STKLD1: variants seen among roughly 807,000 people sequenced by gnomAD.
The protein encoded by STKLD1 is serine/threonine kinase-like domain-containing protein STKLD1.
STKLD1 carries 79 observed loss-of-function variants against 80.4 expected under a neutral mutation model. That is an observed-to-expected ratio of 0.98 (90% CI 0.82 to 1.19). The LOEUF (loss-of-function observed/expected upper bound fraction) is 1.19, where lower values mean the gene tolerates loss of function less well. Among genes scored for constraint, STKLD1 ranks in the 50% most tolerant of loss-of-function variants. The probability of loss-of-function intolerance (pLI) is 0.00; values close to 1 mark genes in which losing one functional copy is unlikely to be tolerated. For synonymous variants in STKLD1, 393 were observed against 357.6 expected (o/e 1.10, Z -1.12); for missense variants, 841 against 856.0 (o/e 0.98, Z 0.22).
rs781954438 is a variant in STKLD1 at position 133,406,068 on chromosome 9, G to A, written c.*647G>A. The A allele has an allele frequency of 3.3e-5, 5 of 152,212 alleles. No individual in the cohort carries two copies. Among genetic ancestry groups the A allele is most frequent in the African/African-American group, 4.8e-5 (2 of 41,424 alleles). The allele number at this position is 152,212 out of a possible 1,614,324, so 9.4% of individuals were successfully genotyped here. A position where few individuals can be genotyped will look rare whatever the true frequency, so the allele number is the denominator to read the frequency against. ...TGAGCCTCCACAGGCTCCATTCCAAGTAAACATCTGCATTTATTTTAAATC... is the reference window on the plus strand; with the variant it reads ...TGAGCCTCCACAGGCTCCATTCCAAATAAACATCTGCATTTATTTTAAATC... On this transcript the variant is annotated 3_prime_UTR_variant, in exon 18 of 18. Coordinates refer to ENST00000371957, the MANE Select transcript of STKLD1 (RefSeq NM_153710.5).
Position 133,402,943 on chromosome 9 carries a change from A to G in STKLD1, c.1405A>G (p.Asn469Asp), listed in dbSNP as rs975150457. Reference sequence around the variant, plus strand: ...GCTGGAGCACATCCTGGAGCACCTCAACAGCTCCCTCGAAAGCAGGGACGT... The same window carrying G: ...GCTGGAGCACATCCTGGAGCACCTCGACAGCTCCCTCGAAAGCAGGGACGT... Reference protein sequence around the residue: ...GLLEHILEHLNSSLESRDVCA... With the variant: ...GLLEHILEHLDSSLESRDVCA... The change falls in exon 14 of 18, where the codon AAC becomes GAC. Residue 469 changes from asparagine (N) to aspartate (D), a missense_variant. Asn to Asp is a conservative substitution (Grantham distance 23). Coordinates refer to ENST00000371957, the MANE Select transcript of STKLD1 (RefSeq NM_153710.5). The G allele has an allele frequency of 1.3e-6, 2 of 1,584,802 alleles. No homozygotes were observed. The highest frequency in any genetic ancestry group is 1.7e-6 in the Non-Finnish European group (2 of 1,165,710).
At chr9:133,379,631 C>T (rs2130261444) in intron 2 of STKLD1, among the ~76,000 whole-genome samples, 41 of 152,336 alleles carry the variant, frequency 2.7e-4, no homozygotes, top group African/African-American at 9.4e-4. Context: ...AGGTCACACA[C>T]CAGGCCCTGA....
At chr9:133,392,322 C>A (rs1838419106) in intron 7 of STKLD1, among the ~76,000 whole-genome samples, 1 of 152,014 alleles carries the variant, frequency 6.6e-6, no homozygotes. Context: ...CCACCTTGGC[C>A]TCCCAAAGTG....
chr9:133,403,250 C>A (rs1838756182), intron 14 of STKLD1, among the ~76,000 whole-genome samples: 1 of 152,260 alleles, frequency 6.6e-6, no homozygotes, highest in Admixed American at 6.5e-5. Flanking sequence ...GGACTTCTTG[C>A]CCAGTGGGCA....
chr9:133,398,907 C>G (rs1182471223), intron 11 of STKLD1, among the ~76,000 whole-genome samples: 1 of 152,136 alleles, frequency 6.6e-6, no homozygotes, highest in Non-Finnish European at 1.5e-5. Flanking sequence ...GGCTGGAGTG[C>G]AGTGGTGCGA....
At chr9:133,382,896 ATGT>A (rs1204033272) in intron 2 of STKLD1, among the ~76,000 whole-genome samples, 1 of 126,074 alleles carries the variant, frequency 7.9e-6, no homozygotes, top group Non-Finnish European at 1.6e-5. Context: ...GATGGTGATG[ATGT>A]TGGTGATGGT....
rs1366502562 is a variant in STKLD1, at chr9:133,404,930, G to A, written c.1873+1G>A. On this transcript the variant is annotated splice_donor_variant, in intron 17 of 17. Transcript: ENST00000371957. LOFTEE classifies it high-confidence loss of function. ...CTGCTGGTCCACCTGGCTTCCTATGGTGAGAACCCCTTCTCACCTCACACT... is the reference window on the plus strand; with the variant it reads ...CTGCTGGTCCACCTGGCTTCCTATGATGAGAACCCCTTCTCACCTCACACT... 6.2e-7 allele frequency: 1 copy of A among 1,612,934 alleles called. No individual in the cohort carries two copies. Among genetic ancestry groups the A allele is most frequent in the Non-Finnish European group, 8.5e-7 (1 of 1,179,726 alleles).
chr9:133,395,682 AG>A lies in STKLD1; in HGVS notation c.786del (p.Lys262AsnfsTer15). ...LKAVLKTMEE[K>X]QIPDVETFRN... ...GCCGTCCTGAAGACAATGGAGGAGA[AG>A]CAGATCCCGGATGTGGAAACCTTCA... On this transcript the variant is annotated frameshift_variant, in exon 9 of 18. Coordinates refer to ENST00000371957, the MANE Select transcript of STKLD1 (RefSeq NM_153710.5). LOFTEE classifies it high-confidence loss of function. The A allele has an allele frequency of 6.2e-7, 1 of 1,613,490 alleles. No homozygotes were observed. The highest frequency in any genetic ancestry group is 8.5e-7 in the Non-Finnish European group (1 of 1,180,034).
Position 133,387,759 on chromosome 9 carries a change from C to G in STKLD1, c.396+211C>G, listed in dbSNP as rs2130280734. On this transcript the variant is annotated intron_variant, in intron 5 of 17. Transcript: ENST00000371957. ...GCACTCACACAACTTCCACCCAGAT[C>G]AAGACAGAAGGCGTTCCTAACACTA... The G allele has an allele frequency of 3.0e-5, 20 of 668,864 alleles. 1 individual carries two copies. Among genetic ancestry groups the G allele is most frequent in the South Asian group, 2.7e-4 (18 of 66,506 alleles). The allele number at this position is 668,864 out of a possible 1,614,324, so 41.4% of individuals were successfully genotyped here.
At chr9:133,392,555 GTGGATGGA>G (rs1383114488) in intron 7 of STKLD1, among the ~76,000 whole-genome samples, 1 of 136,978 alleles carries the variant, frequency 7.3e-6, no homozygotes. Flanking sequence ...GGATGGATGA[GTGGATGGA>G]TGAATGGATG....
At chr9:133,395,352 G>T (rs1434422303) in intron 8 of STKLD1, among the ~76,000 whole-genome samples, 7 of 152,290 alleles carry the variant, frequency 4.6e-5, no homozygotes, top group South Asian at 4.1e-4. Flanking sequence ...GCTGGGTCTA[G>T]ATCAGGGGGC....
rs2130287829 is a variant in STKLD1, at chr9:133,390,907, G to A, written c.583+111G>A. 715 of 811,456 alleles carry A rather than the reference G, an allele frequency of 8.8e-4. 6 individuals carry two copies. In the African/African-American group the frequency reaches 0.01, roughly 12 times the overall value. The allele number at this position is 811,456 out of a possible 1,614,324, so 50.3% of individuals were successfully genotyped here. On this transcript the variant is annotated intron_variant, in intron 7 of 17. Transcript: ENST00000371957. The surrounding 1 kb of genome is among the most constrained non-coding windows in gnomAD (Gnocchi z 5.1). ...GCAACATCAAACAGCTGTTTGCTCA[G>A]AAGGTCCCCACAAAGCCCTGGCCTT...
intron 11 of STKLD1, 42 bp from the exon 12 acceptor site, chr9:133,400,371 C>A (rs1345648929): frequency 6.6e-7 from 1 of 1,517,300 alleles, no homozygotes; most frequent in African/African-American, 1.4e-5. Flanking sequence ...TGCCCCCGAT[C>A]TGGCCCAAAA....
chr9:133,395,894 T>C (rs1265323443), intron 9 of STKLD1, 131 bp downstream of exon 9: 3 of 944,522 alleles, frequency 3.2e-6, no homozygotes, highest in East Asian at 2.6e-5. Context: ...TGATTATCCC[T>C]GCACAGCTGG....
At position 133,405,533 on chromosome 9, in the gene STKLD1, G is replaced by GA; in HGVS notation, c.*112_*113insA. ...GGGCCAAAATCAATCTTAAACGGGA[G>GA]GGGTAATCAGACCTCTCCAAAGAGT... is the stretch of plus-strand genomic sequence containing the variant. On this transcript the variant is annotated 3_prime_UTR_variant, in exon 18 of 18. Transcript: ENST00000371957. The GA allele has an allele frequency of 9.0e-7, 1 of 1,116,068 alleles. No homozygotes were observed. Among genetic ancestry groups the GA allele is most frequent in the Non-Finnish European group, 1.2e-6 (1 of 809,546 alleles). The allele number at this position is 1,116,068 out of a possible 1,614,324, so 69.1% of individuals were successfully genotyped here.
intron 16 of STKLD1, 58 bp from the exon 17 acceptor site, chr9:133,404,731 A>G: frequency 6.3e-7 from 1 of 1,591,744 alleles, no homozygotes; most frequent in Non-Finnish European, 8.5e-7. Context: ...TCCTGGGCAG[A>G]AGGCTCTTCC....
At position 133,390,267 on chromosome 9, in the gene STKLD1, G is replaced by A. The variant is rs1195818720; in HGVS notation, c.468-414G>A. Among the ~76,000 whole-genome samples, 6 of 144,110 alleles carry A rather than the reference G, an allele frequency of 4.2e-5. No individual in the cohort carries two copies. The highest frequency in any genetic ancestry group is 2.0e-4 in the East Asian group (1 of 4,918). The allele number at this position is 144,110 out of a possible 152,430, so 94.5% of individuals were successfully genotyped here. A position where few individuals can be genotyped will look rare whatever the true frequency, so the allele number is the denominator to read the frequency against. On this transcript the variant is annotated intron_variant, in intron 6 of 17. Coordinates refer to ENST00000371957, the MANE Select transcript of STKLD1 (RefSeq NM_153710.5). The surrounding 1 kb of genome is among the most constrained non-coding windows in gnomAD (Gnocchi z 5.1). Reference sequence around the variant, plus strand: ...CACACACACACCACGCAGACCATACGTACAAAGGGAATGCTCACATTCCAC... The same window carrying A: ...CACACACACACCACGCAGACCATACATACAAAGGGAATGCTCACATTCCAC...
At chr9:133,395,954 G>C in intron 9 of STKLD1, 191 bp downstream of exon 9, 2 of 590,484 alleles carry the variant, frequency 3.4e-6, no homozygotes, top group Non-Finnish European at 5.8e-6. Context: ...GAGTAATCCC[G>C]AATGTACGGT....
Position 133,390,194 on chromosome 9 carries a change from AACACACACACACACACACACAC to A in STKLD1, c.468-450_468-429del, listed in dbSNP as rs71378573. ...TTCAGCCTGGGCAACCCTGACTTAA[AACACACACACACACACACACAC>A]ACACACACACACACACACACACACA... is the stretch of plus-strand genomic sequence containing the variant. On this transcript the variant is annotated intron_variant, in intron 6 of 17. Transcript: ENST00000371957. The surrounding 1 kb of genome is among the most constrained non-coding windows in gnomAD (Gnocchi z 5.1). Among the ~76,000 whole-genome samples the A allele has an allele frequency of 2.7e-3, 338 of 123,476 alleles. 2 individuals carry two copies. Among genetic ancestry groups the A allele is most frequent in the African/African-American group, 6.8e-3 (214 of 31,414 alleles). 81.0% of individuals were successfully genotyped at this position (123,476 alleles called of 152,430 possible).
Sources: gnomAD v4.1 joint callset for allele counts (sites outside exome capture counted in the v4.1 genomes callset) on GRCh38, gnomAD v4.1.1 for gene constraint, Gnocchi (gnomAD v3.1) non-coding constraint, MANE v1.5 for transcripts, NCBI Gene and HGNC (gene_info 2026-07-23, HGNC 2026-07-21) for gene names.